Variants in KCNA2 observed in about 807,000 individuals in gnomAD.
KCNA2 encodes potassium voltage-gated channel subfamily A member 2, also known as potassium channel, voltage gated shaker related subfamily A, member 2.
Under a neutral mutation model 33.4 loss-of-function variants are expected in KCNA2, and 11 were observed. That is an observed-to-expected ratio of 0.33 (90% CI 0.21 to 0.55). The LOEUF is 0.55. KCNA2 is among the 20% of genes least tolerant of loss of function. The pLI is 0.93. For missense variants in KCNA2, 291 were observed against 621.6 expected, an observed-to-expected ratio of 0.47 and a Z score of 5.66; for synonymous variants, 222 against 231.3, an observed-to-expected ratio of 0.96 and a Z score of 0.37.
intron 1 of KCNA2, among the ~76,000 whole-genome samples, chr1:110,616,719 A>G (rs1650078743): frequency 6.6e-6 from 1 of 152,242 alleles, no homozygotes; most frequent in East Asian, 1.9e-4. Context: ...CCACATAGCC[A>G]GCAGCTGGGT....
intron 1 of KCNA2, among the ~76,000 whole-genome samples, chr1:110,620,707 G>T (rs137941872): frequency 6.6e-6 from 1 of 152,256 alleles, no homozygotes; most frequent in African/African-American, 2.4e-5. Context: ...CGGTCATCTA[G>T]GTGCTCCTGT....
chr1:110,602,799 T>C lies in KCNA2; in HGVS notation c.*484A>G, dbSNP rs1649417497. 2 of 997,122 alleles carry C rather than the reference T, an allele frequency of 2.0e-6. No homozygotes were observed. The highest frequency in any genetic ancestry group is 2.4e-6 in the Non-Finnish European group (2 of 837,684). 61.8% of individuals were successfully genotyped at this position (997,122 alleles called of 1,614,324 possible). ...AGAAAGTAATTCCAACACACAGGAC[T>C]GTGTGTTCTTTTCAATGCAAAAATG... is the stretch of plus-strand genomic sequence containing the variant. On this transcript the variant is annotated 3_prime_UTR_variant, in exon 3 of 3. Transcript: ENST00000316361.
chr1:110,604,427 C>G lies in KCNA2; in HGVS notation c.356G>C (p.Gly119Ala), dbSNP rs201189661. The G allele has an allele frequency of 2.0e-5, 32 of 1,614,194 alleles. 1 individual carries two copies. Among genetic ancestry groups the G allele is most frequent in the Non-Finnish European group, 4.2e-6 (5 of 1,180,050 alleles). Residue 119 changes from glycine (G) to alanine (A), a missense_variant, in exon 3 of 3, where the codon GGA (glycine) becomes GCA (alanine). Physicochemically the swap from Gly to Ala is moderately conservative, Grantham distance 60. Around this residue, in one of 5 missense-constraint regions of KCNA2, gnomAD observed 163 missense variants for 273.5 expected, o/e 0.60. Transcript: ENST00000316361. This position sits in a 1 kb window ranked among gnomAD's most constrained non-coding sequence, Gnocchi z 7.6. Reference protein sequence around the residue: ...FSEEIRFYELGEEAMEMFRED... With the variant: ...FSEEIRFYELAEEAMEMFRED... ...CCGAAACATCTCCATCGCTTCTTCT[C>G]CCAGCTCATAAAACCGAATTTCTTC... is the stretch of plus-strand genomic sequence containing the variant.
At position 110,594,855 on chromosome 1, in the gene KCNA2, A is replaced by G. The variant is rs557042984; in HGVS notation, c.*8428T>C. 3.0e-5 allele frequency: 30 copies of G among 985,260 alleles called. No homozygotes were observed. Among genetic ancestry groups the G allele is most frequent in the Non-Finnish European group, 3.6e-5 (30 of 829,938 alleles). The allele number at this position is 985,260 out of a possible 1,614,324, so 61.0% of individuals were successfully genotyped here. The stretch of plus-strand genomic sequence containing the variant: ...CCTTTCCAGCCCCACCTGGCAGGTC[A>G]AAGTCCTTGCCCTACACTTCATAGG... On this transcript the variant is annotated 3_prime_UTR_variant, in exon 3 of 3. Transcript: ENST00000316361.
rs1649133294 is a variant in KCNA2 at position 110,597,238 on chromosome 1, G to A, written c.*6045C>T. On this transcript the variant is annotated 3_prime_UTR_variant, in exon 3 of 3. Transcript: ENST00000316361. ...TTCCCTCAGCATCCGTCTCCCTGGGGAAGGGAGAAGGGGAAGCAAAAGGAT... is the reference window on the plus strand; with the variant it reads ...TTCCCTCAGCATCCGTCTCCCTGGGAAAGGGAGAAGGGGAAGCAAAAGGAT... The A allele has an allele frequency of 1.0e-6, 1 of 985,334 alleles. No homozygotes were observed. 61.0% of individuals were successfully genotyped at this position (985,334 alleles called of 1,614,324 possible).
At chr1:110,622,455 C>T (rs1020143999) in intron 1 of KCNA2, among the ~76,000 whole-genome samples, 2 of 151,996 alleles carry the variant, frequency 1.3e-5, no homozygotes, top group African/African-American at 4.8e-5. Context: ...CTGCTTTCAC[C>T]ATTTCTATTT....
In KCNA2 at chr1:110,593,606, A is replaced by G. The variant is rs1416233554; in HGVS notation, c.*9677T>C. 7.2e-6 allele frequency: 2 copies of G among 279,352 alleles called. No individual in the cohort carries two copies. The highest frequency in any genetic ancestry group is 1.5e-4 in the South Asian group (1 of 6,896). 17.3% of individuals were successfully genotyped at this position (279,352 alleles called of 1,614,324 possible). A position where few individuals can be genotyped will look rare whatever the true frequency, so the allele number is the denominator to read the frequency against. Reference sequence around the variant, plus strand: ...GTCTGTCAAAAATTTTATTTTTTTCATATCACACAGAATGATGTTAAAATA... The same window carrying G: ...GTCTGTCAAAAATTTTATTTTTTTCGTATCACACAGAATGATGTTAAAATA... On this transcript the variant is annotated 3_prime_UTR_variant, in exon 3 of 3. Coordinates refer to ENST00000316361, the MANE Select transcript of KCNA2 (RefSeq NM_004974.4).
At position 110,603,574 on chromosome 1, in the gene KCNA2, G is replaced by A; in HGVS notation, c.1209C>T (p.Ala403=). 1.2e-6 allele frequency: 2 copies of A among 1,613,982 alleles called. No individual in the cohort carries two copies. The highest frequency in any genetic ancestry group is 8.5e-7 in the Non-Finnish European group (1 of 1,180,026). The change falls in exon 3 of 3, where the codon GCC becomes GCT. Residue 403 remains alanine, a synonymous_variant. Transcript: ENST00000316361. This position sits in a 1 kb window ranked among gnomAD's most constrained non-coding sequence, Gnocchi z 5.7. ...LCAIAGVLTI[A]LPVPVIVSNF... Reference sequence around the variant, plus strand: ...TGGACACAATGACAGGGACCGGTAAGGCAATAGTTAACACACCTGCAATCG... The same window carrying A: ...TGGACACAATGACAGGGACCGGTAAAGCAATAGTTAACACACCTGCAATCG...
intron 1 of KCNA2, among the ~76,000 whole-genome samples, chr1:110,615,225 A>AATG (rs1650010309): frequency 1.3e-5 from 2 of 152,102 alleles, no homozygotes; most frequent in Admixed American, 1.3e-4. Flanking sequence ...CCTGCCACAC[A>AATG]CCACTTACCT....
At position 110,605,458 on chromosome 1, in the gene KCNA2, C is replaced by A. The variant is rs3887820; in HGVS notation, c.-231G>T. ...GATGCTGCAGGAATCTGAGATGCAC[C>A]AACAGGCAGCCCAACTCCTCATCAC... On this transcript the variant is annotated 5_prime_UTR_variant, in exon 2 of 3. Transcript: ENST00000316361. The A allele has an allele frequency of 0.2, 30,891 of 152,294 alleles. 4,715 individuals are homozygous for A. The highest frequency in any genetic ancestry group is 0.41 in the African/African-American group (16,935 of 41,470). 9.4% of individuals were successfully genotyped at this position (152,294 alleles called of 1,614,324 possible).
Position 110,593,665 on chromosome 1 carries a change from A to G in KCNA2, c.*9618T>C, listed in dbSNP as rs1323598222. Reference sequence around the variant, plus strand: ...GTAATATATATTTATATACTTATTTACTTGTGTCAATATTTACAAAAGACT... The same window carrying G: ...GTAATATATATTTATATACTTATTTGCTTGTGTCAATATTTACAAAAGACT... On this transcript the variant is annotated 3_prime_UTR_variant, in exon 3 of 3. Coordinates refer to ENST00000316361, the MANE Select transcript of KCNA2 (RefSeq NM_004974.4). 2.5e-6 allele frequency: 1 copy of G among 393,854 alleles called. No individual in the cohort carries two copies. Among genetic ancestry groups the G allele is most frequent in the Non-Finnish European group, 4.5e-6 (1 of 224,276 alleles). 24.4% of individuals were successfully genotyped at this position (393,854 alleles called of 1,614,324 possible).
At chr1:110,610,554 A>G (rs1649830539), upstream of KCNA2, among the ~76,000 whole-genome samples, 1 of 152,248 alleles carries the variant, frequency 6.6e-6, no homozygotes, top group Admixed American at 6.5e-5. Context: ...AGATGAAGAT[A>G]CTGAAGCTCA....
Position 110,599,243 on chromosome 1 carries a change from G to A in KCNA2, c.*4040C>T. ...TTTGCTAAAATGCACTCAGCTCTCA[G>A]CTAGTCCTACTTAGGGGAAGAACCA... On this transcript the variant is annotated 3_prime_UTR_variant, in exon 3 of 3. Transcript: ENST00000316361. The A allele has an allele frequency of 1.0e-6, 1 of 985,328 alleles. No homozygotes were observed. The highest frequency in any genetic ancestry group is 1.2e-6 in the Non-Finnish European group (1 of 829,824). The allele number at this position is 985,328 out of a possible 1,614,324, so 61.0% of individuals were successfully genotyped here.
chr1:110,593,593 T>G lies in KCNA2; in HGVS notation c.*9690A>C. ...GAAAACCATCAGTGTCTGTCAAAAATTTTATTTTTTTCATATCACACAGAA... is the reference window on the plus strand; with the variant it reads ...GAAAACCATCAGTGTCTGTCAAAAAGTTTATTTTTTTCATATCACACAGAA... On this transcript the variant is annotated 3_prime_UTR_variant, in exon 3 of 3. Transcript: ENST00000316361. The G allele has an allele frequency of 4.1e-6, 1 of 246,080 alleles. No individual in the cohort carries two copies. 15.2% of individuals were successfully genotyped at this position (246,080 alleles called of 1,614,324 possible).
intron 1 of KCNA2, among the ~76,000 whole-genome samples, chr1:110,613,617 G>T (rs963141716): frequency 2.6e-5 from 4 of 152,334 alleles, no homozygotes; most frequent in Middle Eastern, 3.4e-3. Flanking sequence ...GAGGGGTCAA[G>T]AGGGAAGACC....
At chr1:110,630,683 CAACA>C (rs975734017) in intron 1 of KCNA2, among the ~76,000 whole-genome samples, 1 of 152,164 alleles carries the variant, frequency 6.6e-6, no homozygotes, top group Non-Finnish European at 1.5e-5. Flanking sequence ...TTGAGAAAAA[CAACA>C]GACACTAAGC....
intron 1 of KCNA2, among the ~76,000 whole-genome samples, chr1:110,616,510 C>T (rs996568510): frequency 1.3e-5 from 2 of 152,160 alleles, no homozygotes; most frequent in Non-Finnish European, 2.9e-5. Context: ...AAACATGGGA[C>T]CCCAGAGTTA....
At position 110,594,563 on chromosome 1, in the gene KCNA2, G is replaced by A; in HGVS notation, c.*8720C>T. The A allele has an allele frequency of 1.0e-6, 1 of 985,414 alleles. No homozygotes were observed. The highest frequency in any genetic ancestry group is 1.2e-6 in the Non-Finnish European group (1 of 829,936). The allele number at this position is 985,414 out of a possible 1,614,324, so 61.0% of individuals were successfully genotyped here. Reference sequence around the variant, plus strand: ...GTGCAGGGATGCAGAAAACCAGGAAGAGGCCAATTTGGCTGGGGTATTGTT... The same window carrying A: ...GTGCAGGGATGCAGAAAACCAGGAAAAGGCCAATTTGGCTGGGGTATTGTT... On this transcript the variant is annotated 3_prime_UTR_variant, in exon 3 of 3. Transcript: ENST00000316361.
rs1364735324 is a variant in KCNA2, at chr1:110,597,667, A to G, written c.*5616T>C. On this transcript the variant is annotated 3_prime_UTR_variant, in exon 3 of 3. Coordinates refer to ENST00000316361, the MANE Select transcript of KCNA2 (RefSeq NM_004974.4). ...GAACACGTGGGAAGAAGAAGAAACT[A>G]CAGAGACTGTGAATGAGCCCCCAGA... 7.1e-6 allele frequency: 7 copies of G among 985,340 alleles called. No homozygotes were observed. The highest frequency in any genetic ancestry group is 8.4e-6 in the Non-Finnish European group (7 of 829,958). 61.0% of individuals were successfully genotyped at this position (985,340 alleles called of 1,614,324 possible).
Sources: gnomAD v4.1 joint callset for allele counts (sites outside exome capture counted in the v4.1 genomes callset) on GRCh38, gnomAD v4.1.1 for gene constraint, gnomAD v4.1.1 regional missense constraint, Gnocchi (gnomAD v3.1) non-coding constraint, MANE v1.5 for transcripts, NCBI Gene and HGNC (gene_info 2026-07-23, HGNC 2026-07-21) for gene names.